The following PPP6R2 variants were observed in gnomAD, a reference collection of about 807,000 sequenced individuals.
The protein encoded by PPP6R2 is protein phosphatase 6 regulatory subunit 2.
Under a neutral mutation model 100.2 loss-of-function variants are expected in PPP6R2, and 62 were observed. That is an observed-to-expected ratio of 0.62 (90% confidence interval 0.50 to 0.76). PPP6R2 has a LOEUF of 0.76. Among genes scored for constraint, PPP6R2 ranks in the 30% least tolerant of loss-of-function variants. The pLI is 0.00. For synonymous variants in PPP6R2, 525 were observed against 514.7 expected (o/e 1.02, Z -0.27); for missense variants, 1,142 against 1,276.3 (o/e 0.89, Z 1.60).
upstream of PPP6R2, among the ~76,000 whole-genome samples, chr22:50,343,031 G>A (rs971128759): frequency 6.6e-6 from 1 of 152,206 alleles, no homozygotes; most frequent in Non-Finnish European, 1.5e-5. Flanking sequence ...GGCCACGCGA[G>A]GATTGTTTTG....
At chr22:50,381,256 TCACACGGGCCTCACCTCAGCAC>T (rs1569343712) in intron 2 of PPP6R2, among the ~76,000 whole-genome samples, 25,351 of 135,512 alleles carry the variant, frequency 0.19, 5,855 homozygotes, top group South Asian at 0.29. Context: ...CACCTCAGCA[TCACACGGGCCTCACCTCAGCAC>T]CACACGGGCC....
the PPP6R2 span, among the ~76,000 whole-genome samples, chr22:50,337,950 T>A: frequency 7.8e-5 from 10 of 127,998 alleles, no homozygotes; most frequent in African/African-American, 2.7e-4. Context: ...GTGTGTGTGA[T>A]GTGTGTGGTG....
chr22:50,436,307 G>A lies in PPP6R2; in HGVS notation c.1517-60G>A, dbSNP rs554279275. On this transcript the variant is annotated intron_variant, in intron 13 of 23. Coordinates refer to ENST00000612753, the MANE Select transcript of PPP6R2 (RefSeq NM_001242898.2). ...AGGATGCACCTGCCGGAGCCCCCGG[G>A]TGCCCTGCACCATCTGCACGGGGTC... is the stretch of plus-strand genomic sequence containing the variant. The A allele has an allele frequency of 5.4e-6, 8 of 1,478,368 alleles. No individual in the cohort carries two copies. In the Admixed American group the frequency reaches 1.4e-4, roughly 26 times the overall value. 91.6% of individuals were successfully genotyped at this position (1,478,368 alleles called of 1,614,324 possible). A position where few individuals can be genotyped will look rare whatever the true frequency, so the allele number is the denominator to read the frequency against.
intron 1 of PPP6R2, among the ~76,000 whole-genome samples, chr22:50,367,929 G>T (rs1229448640): frequency 6.6e-6 from 1 of 152,204 alleles, no homozygotes; most frequent in Non-Finnish European, 1.5e-5. Flanking sequence ...ACAGGCAAGG[G>T]GGCAGGGTAA....
chr22:50,437,621 G>C lies in PPP6R2; in HGVS notation c.1781+18G>C. 1 of 1,574,110 alleles carries C rather than the reference G, an allele frequency of 6.4e-7. No individual in the cohort carries two copies. Among genetic ancestry groups the C allele is most frequent in the South Asian group, 1.1e-5 (1 of 90,232 alleles). On this transcript the variant is annotated intron_variant, in intron 16 of 23. Transcript: ENST00000612753. ...AACATCAAGTGAGTCTACTTGGAGC[G>C]CACTCTGCACGAGGCGCGGCTCTCC...
chr22:50,372,671 C>A (rs150726560), intron 2 of PPP6R2, among the ~76,000 whole-genome samples: 125 of 152,106 alleles, frequency 8.2e-4, no homozygotes, highest in Admixed American at 2.1e-3. Context: ...GTTGCTTGGT[C>A]TTTCCAAGCC....
At chr22:50,441,122 G>C in intron 22 of PPP6R2, 96 bp downstream of exon 22, 1 of 1,114,702 alleles carries the variant, frequency 9.0e-7, no homozygotes, top group Non-Finnish European at 1.2e-6. Flanking sequence ...AGGAGGTGAG[G>C]CCAGGCCAGG....
the PPP6R2 span, among the ~76,000 whole-genome samples, chr22:50,337,937 CAT>C: frequency 1.4e-5 from 1 of 70,282 alleles, no homozygotes; most frequent in Non-Finnish European, 2.8e-5. Flanking sequence ...GGGGTGTGTG[CAT>C]GTGTGTGTGA....
chr22:50,341,937 G>A (rs1191103288), upstream of PPP6R2, among the ~76,000 whole-genome samples: 1 of 151,916 alleles, frequency 6.6e-6, no homozygotes. Context: ...AGCTTGCAGT[G>A]AGCCGAGATC....
intron 2 of PPP6R2, among the ~76,000 whole-genome samples, chr22:50,392,328 C>T (rs1036038369): frequency 5.5e-5 from 8 of 144,860 alleles, no homozygotes; most frequent in Admixed American, 4.2e-4. Flanking sequence ...ATAGTGAATC[C>T]CTGTCTCTAC....
At chr22:50,397,652 A>T (rs2057243238) in intron 3 of PPP6R2, among the ~76,000 whole-genome samples, 2 of 96,864 alleles carry the variant, frequency 2.1e-5, no homozygotes, top group Non-Finnish European at 3.7e-5. Flanking sequence ...GTCATCTCTG[A>T]GCTTTTCTCT....
chr22:50,353,341 G>T (rs1602117229), intron 1 of PPP6R2, among the ~76,000 whole-genome samples: 2 of 152,118 alleles, frequency 1.3e-5, no homozygotes, highest in East Asian at 1.9e-4. Flanking sequence ...CGTTATTACT[G>T]TTGTGTCTCA....
At chr22:50,440,429 CAG>C (rs1465587513) in intron 21 of PPP6R2, among the ~76,000 whole-genome samples, 1 of 152,066 alleles carries the variant, frequency 6.6e-6, no homozygotes, top group Non-Finnish European at 1.5e-5. Context: ...TAGTCAGGCT[CAG>C]AAGCTCCCCC....
At chr22:50,389,150 A>G (rs540571492) in intron 2 of PPP6R2, 3 of 152,364 alleles carry the variant, frequency 2.0e-5, no homozygotes, top group Admixed American at 2.0e-4. Flanking sequence ...TGTGCTTGAC[A>G]TCCCAGATGG....
intron 1 of PPP6R2, among the ~76,000 whole-genome samples, chr22:50,366,214 C>A (rs958044305): frequency 6.6e-6 from 1 of 152,040 alleles, no homozygotes; most frequent in African/African-American, 2.4e-5. Context: ...CAAACGTCTT[C>A]TGAGCATTAC....
intron 4 of PPP6R2, among the ~76,000 whole-genome samples, chr22:50,412,819 A>G (rs2059952090): frequency 6.9e-6 from 1 of 145,082 alleles, no homozygotes; most frequent in Non-Finnish European, 1.5e-5. Flanking sequence ...TTTTTTTTGT[A>G]TTTTTAGTAG....
intron 6 of PPP6R2, among the ~76,000 whole-genome samples, chr22:50,418,526 A>G (rs1268980748): frequency 6.6e-6 from 1 of 151,948 alleles, no homozygotes; most frequent in Non-Finnish European, 1.5e-5. Context: ...AGCTGGGACT[A>G]CAGGCACCCG....
chr22:50,364,301 G>A (rs2048334248), intron 1 of PPP6R2, among the ~76,000 whole-genome samples: 1 of 152,112 alleles, frequency 6.6e-6, no homozygotes, highest in Non-Finnish European at 1.5e-5. Context: ...CTTGAAATAT[G>A]TATTTAAAGC....
At chr22:50,335,678 A>AT in the PPP6R2 span, among the ~76,000 whole-genome samples, 6,356 of 128,938 alleles carry the variant, frequency 0.049, 596 homozygotes, top group East Asian at 0.14. Context: ...CACCCAACTA[A>AT]TTTTTTTTTT....
Sources: gnomAD v4.1 joint callset for allele counts (sites outside exome capture counted in the v4.1 genomes callset) on GRCh38, gnomAD v4.1.1 for gene constraint, MANE v1.5 for transcripts, NCBI Gene and HGNC (gene_info 2026-07-23, HGNC 2026-07-21) for gene names.